Variants in ABCA8 observed in about 807,000 individuals in gnomAD.
ABCA8 encodes the protein ABC-type organic anion transporter ABCA8.
In ABCA8, 177 loss-of-function variants were observed where a neutral mutation model predicts 192.3. The observed-to-expected ratio is 0.92, with a 90% CI of 0.81 to 1.04. The LOEUF (loss-of-function observed/expected upper bound fraction) is 1.04, where lower values mean the gene tolerates loss of function less well. Ranked by LOEUF, ABCA8 falls within the 50% of genes least tolerant of loss-of-function variation. The pLI is 0.00. For missense variants in ABCA8, 1,915 were observed against 1,904.8 expected, an observed-to-expected ratio of 1.01 and a Z score of -0.10; for synonymous variants, 642 against 690.2, an observed-to-expected ratio of 0.93 and a Z score of 1.09.
intron 13 of ABCA8, among the ~76,000 whole-genome samples, chr17:68,920,536 A>G (rs949830917): frequency 3.3e-5 from 5 of 152,234 alleles, no homozygotes; most frequent in African/African-American, 4.8e-5. Context: ...CAGATTCCAT[A>G]TGCAGTATAC....
chr17:68,874,856 C>T (rs1161467101), intron 37 of ABCA8, among the ~76,000 whole-genome samples: 1 of 152,096 alleles, frequency 6.6e-6, no homozygotes, highest in Non-Finnish European at 1.5e-5. Context: ...TTAGGTTTAC[C>T]TCTTGGTTCT....
intron 30 of ABCA8, 102 bp from the exon 31 acceptor site, chr17:68,882,082 C>A: frequency 1.0e-6 from 1 of 962,504 alleles, no homozygotes; most frequent in Non-Finnish European, 1.6e-6. Context: ...TTGCCCCAGC[C>A]ATGCATCAAA....
At chr17:68,877,813 C>A in intron 32 of ABCA8, 134 bp from the exon 33 acceptor site, 1 of 919,492 alleles carries the variant, frequency 1.1e-6, no homozygotes, top group Non-Finnish European at 1.5e-6. Context: ...AATCTGTAAT[C>A]ATTTTGCATT....
At chr17:68,932,785 A>T (rs2067942048) in intron 6 of ABCA8, among the ~76,000 whole-genome samples, 1 of 152,154 alleles carries the variant, frequency 6.6e-6, no homozygotes, top group Non-Finnish European at 1.5e-5. Flanking sequence ...TTCTCAATTT[A>T]TATATTCAGT....
chr17:68,901,882 C>G (rs182939770), intron 21 of ABCA8, among the ~76,000 whole-genome samples: 2 of 151,502 alleles, frequency 1.3e-5, no homozygotes, highest in South Asian at 4.2e-4. Context: ...GAAAAACAGT[C>G]TGGCAGGTCC....
At chr17:68,886,306 A>T (rs1179041057) in intron 26 of ABCA8, among the ~76,000 whole-genome samples, 1 of 152,146 alleles carries the variant, frequency 6.6e-6, no homozygotes, top group Non-Finnish European at 1.5e-5. Flanking sequence ...ACCTAGGACC[A>T]TGGCCATTGT....
rs373358970 is a variant in ABCA8 at position 68,887,048 on chromosome 17, T to C, written c.3398A>G (p.Asn1133Ser). 1.9e-6 allele frequency: 3 copies of C among 1,611,928 alleles called. No individual in the cohort carries two copies. The highest frequency in any genetic ancestry group is 2.5e-6 in the Non-Finnish European group (3 of 1,178,634). Residue 1133 changes from asparagine to serine, a missense_variant, in exon 26 of 40, where the codon AAT becomes AGT. Transcript: ENST00000586539. ...ISFIFRKGRK[N>S]SGIWSFCFYV... is the part of the protein sequence containing the mutation. ...GAAACAAAATGACCAAATGCCACTA[T>C]TTTTTCTCCCCTTGCGAAAGATGAA...
intron 19 of ABCA8, among the ~76,000 whole-genome samples, chr17:68,904,295 AATAATAATAATAATAAT>A (rs2067004390): frequency 2.6e-4 from 1 of 3,818 alleles, no homozygotes; most frequent in Non-Finnish European, 4.4e-4. Flanking sequence ...AAAAAGAAAT[AATAATAATAATAATAAT>A]AATAATAATA....
chr17:68,938,516 G>A (rs918827593), intron 4 of ABCA8, among the ~76,000 whole-genome samples: 19 of 152,122 alleles, frequency 1.2e-4, no homozygotes, highest in Non-Finnish European at 2.5e-4. Context: ...CCCTTGGTGG[G>A]AGTTATGTTG....
intron 3 of ABCA8, 140 bp from the exon 4 acceptor site, chr17:68,941,102 A>T: frequency 1.5e-6 from 1 of 653,970 alleles, no homozygotes; most frequent in South Asian, 2.0e-5. Flanking sequence ...AAGTCTGCTG[A>T]AAGTCAATGT....
At chr17:68,918,653 G>C in intron 14 of ABCA8, 107 bp from the exon 15 acceptor site, 1 of 1,146,174 alleles carries the variant, frequency 8.7e-7, no homozygotes, top group Non-Finnish European at 1.2e-6. Flanking sequence ...CAAACACTGG[G>C]TCAGGCGCGG....
intron 4 of ABCA8, 98 bp downstream of exon 4, chr17:68,940,659 TA>T: frequency 8.7e-7 from 1 of 1,145,706 alleles, no homozygotes; most frequent in Non-Finnish European, 1.3e-6. Flanking sequence ...CCAGAAAGTT[TA>T]ATTATCAAAC....
intron 19 of ABCA8, among the ~76,000 whole-genome samples, chr17:68,904,194 A>C (rs1330930976): frequency 6.6e-6 from 1 of 151,786 alleles, no homozygotes; most frequent in African/African-American, 2.4e-5. Context: ...AGGCAGGAGA[A>C]TGGCGTGAAC....
intron 11 of ABCA8, among the ~76,000 whole-genome samples, chr17:68,922,560 T>C (rs2067574457): frequency 1.3e-5 from 2 of 151,986 alleles, no homozygotes; most frequent in Non-Finnish European, 2.9e-5. Flanking sequence ...AAAGGTTCCA[T>C]AGATTGGGGT....
intron 38 of ABCA8, among the ~76,000 whole-genome samples, chr17:68,868,748 A>G (rs1262414218): frequency 6.6e-6 from 1 of 152,130 alleles, no homozygotes; most frequent in African/African-American, 2.4e-5. Flanking sequence ...GAGAGCAGGT[A>G]TCTTCACGGA....
chr17:68,887,896 ATATATATATATCCATATATATATATATAT>A, intron 24 of ABCA8, among the ~76,000 whole-genome samples: 1 of 44,324 alleles, frequency 2.3e-5, no homozygotes, highest in South Asian at 9.4e-4. Context: ...ATATATATAT[ATATATATATATCCATATATATATATATAT>A]TATATATGGA....
intron 2 of ABCA8, among the ~76,000 whole-genome samples, chr17:68,942,685 C>T (rs2068266002): frequency 2.0e-5 from 3 of 152,132 alleles, no homozygotes; most frequent in Non-Finnish European, 2.9e-5. Flanking sequence ...GACTTCTTTG[C>T]CATTCGGTGG....
chr17:68,947,206 A>T (rs2143803913), intron 2 of ABCA8, among the ~76,000 whole-genome samples: 1 of 152,294 alleles, frequency 6.6e-6, no homozygotes, highest in Non-Finnish European at 1.5e-5. Flanking sequence ...CTACATGGAC[A>T]TTAGATATTT....
chr17:68,896,497 T>A (rs1440354060), intron 21 of ABCA8, among the ~76,000 whole-genome samples: 1 of 152,220 alleles, frequency 6.6e-6, no homozygotes, highest in Non-Finnish European at 1.5e-5. Flanking sequence ...CATGGTATTC[T>A]GAGCAGATGG....
Sources: allele counts gnomAD v4.1 joint callset (sites outside exome capture counted in the v4.1 genomes callset), GRCh38; gene constraint gnomAD v4.1.1; transcripts MANE v1.5; gene names NCBI Gene and HGNC (gene_info 2026-07-23, HGNC 2026-07-21).